NEK9: variants seen among roughly 807,000 people sequenced by gnomAD.
The protein encoded by NEK9 is NIMA related kinase 9.
A neutral mutation model predicts 123.4 loss-of-function variants in NEK9; 75 were observed. The ratio of observed to expected loss-of-function variants is 0.61; its 90% CI spans 0.50 to 0.74. The LOEUF (loss-of-function observed/expected upper bound fraction) is 0.74. NEK9 is among the 30% of genes least tolerant of loss of function. NEK9 has a pLI of 0.00. For synonymous variants in NEK9, 438 were observed against 458.7 expected (o/e 0.95, Z 0.58); for missense variants, 952 against 1,214.4 (o/e 0.78, Z 3.21).
intron 14 of NEK9, among the ~76,000 whole-genome samples, chr14:75,103,480 T>C (rs1372895056): frequency 2.6e-5 from 4 of 152,176 alleles, no homozygotes; most frequent in East Asian, 3.8e-4. Flanking sequence ...CTGCAAAATA[T>C]CACACAGCTT....
chr14:75,105,253 A>T (rs775687574), intron 13 of NEK9, among the ~76,000 whole-genome samples: 8 of 152,148 alleles, frequency 5.3e-5, no homozygotes, highest in Non-Finnish European at 7.3e-5. Context: ...AATGCATAAT[A>T]ATTTAATTTT....
At chr14:75,095,610 A>G (rs1894356706) in intron 17 of NEK9, among the ~76,000 whole-genome samples, 179 bp from the exon 18 acceptor site, 1 of 152,236 alleles carries the variant, frequency 6.6e-6, no homozygotes, top group African/African-American at 2.4e-5. Flanking sequence ...AAGTATATTC[A>G]CTATCTACAT....
chr14:75,121,721 T>C (rs1032218100), intron 2 of NEK9, among the ~76,000 whole-genome samples: 1 of 152,182 alleles, frequency 6.6e-6, no homozygotes, highest in Non-Finnish European at 1.5e-5. Flanking sequence ...TGTTGGGGCA[T>C]GTGCCTGTGG....
At chr14:75,091,247 G>A (rs1025350925) in intron 19 of NEK9, 23 bp downstream of exon 19, 1 of 1,589,720 alleles carries the variant, frequency 6.3e-7, no homozygotes, top group Non-Finnish European at 8.6e-7. Context: ...TTTTATCCAA[G>A]TTACTTCTTC....
intron 2 of NEK9, among the ~76,000 whole-genome samples, chr14:75,122,243 C>T (rs1221532251): frequency 3.3e-5 from 5 of 151,750 alleles, no homozygotes; most frequent in Non-Finnish European, 7.3e-5. Context: ...AAGTTAACTA[C>T]CTAGGGCTTC....
chr14:75,112,816 GTC>G (rs1271508542), intron 8 of NEK9, among the ~76,000 whole-genome samples: 1 of 152,098 alleles, frequency 6.6e-6, no homozygotes, highest in Non-Finnish European at 1.5e-5. Flanking sequence ...GTGAGACTCT[GTC>G]TCAGAAAACA....
In NEK9 at chr14:75,110,339, G is replaced by C. The variant is rs765889310; in HGVS notation, c.971C>G (p.Ala324Gly). The C allele has an allele frequency of 1.2e-6, 2 of 1,612,824 alleles. No individual in the cohort carries two copies. The highest frequency in any genetic ancestry group is 1.1e-5 in the South Asian group (1 of 91,026). Residue 324 changes from alanine to glycine, a missense_variant, in exon 9 of 22, where the codon GCA becomes GGA. By Grantham distance (60) the Ala-to-Gly change is moderately conservative. This residue lies in a region of NEK9 where 698 missense variants were observed against 875.6 expected (regional missense o/e 0.80). Transcript: ENST00000238616. Reference protein sequence around the residue: ...EMEEKVTLLNAPTKRPRSSTV... With the variant: ...EMEEKVTLLNGPTKRPRSSTV... ...ACATTACCTTGGTCTCTTTGTAGGT[G>C]CATTAAGCAGAGTGACTTTTTCCTC...
rs4899544 is a variant in NEK9, at chr14:75,079,853, C to T, written c.*4711G>A. ...TACCACAGGCACTTGGATTTGGGAT[C>T]GCTGGATGTTAGTAAGGTCATAGAT... is the stretch of plus-strand genomic sequence containing the variant. On this transcript the variant is annotated 3_prime_UTR_variant, in exon 22 of 22. Coordinates refer to ENST00000238616, the MANE Select transcript of NEK9 (RefSeq NM_033116.6). 0.44 allele frequency: 67,619 copies of T among 152,034 alleles called. 16,416 individuals carry two copies. Among genetic ancestry groups the T allele is most frequent in the East Asian group, 0.84 (4,320 of 5,172 alleles). The allele number at this position is 152,034 out of a possible 1,614,324, so 9.4% of individuals were successfully genotyped here.
chr14:75,091,460 G>A lies in NEK9; in HGVS notation c.2252C>T (p.Pro751Leu), dbSNP rs112467144. Residue 751 changes from proline to leucine, a missense_variant, in exon 19 of 22, where the codon CCG becomes CTG. Pro to Leu is a moderately conservative substitution (Grantham distance 98). Around this residue, in one of 4 missense-constraint regions of NEK9, gnomAD observed 698 missense variants for 875.6 expected, o/e 0.80. Coordinates refer to ENST00000238616, the MANE Select transcript of NEK9 (RefSeq NM_033116.6). ...SIGTVFQSSS[P>L]GGGGGGGGGE... ...ACCGCCGCCCCCGCCGCCTCCTCCC[G>A]GGCTAGAGCTCTGAAACACTGACAG... The A allele has an allele frequency of 0.014, 23,102 of 1,594,122 alleles. 187 individuals carry two copies. The highest frequency in any genetic ancestry group is 0.019 in the African/African-American group (1,383 of 74,562).
Position 75,088,490 on chromosome 14 carries a change from A to C in NEK9, c.2594T>G (p.Val865Gly), listed in dbSNP as rs750733423. Residue 865 changes from valine (V) to glycine (G), a missense_variant, in exon 20 of 22, where the codon GTA becomes GGA. This residue lies in a region of NEK9 where 698 missense variants were observed against 875.6 expected (regional missense o/e 0.80). Transcript: ENST00000238616. ...AAAAAGCTCAGTTACCGAGGCTTCT[A>C]CTTGGGGTTTGTGTTCCAAAGGAGC... ...SEAPLEHKPQ[V>G]EASSPRLNPA... The C allele has an allele frequency of 6.2e-7, 1 of 1,613,826 alleles. No individual in the cohort carries two copies. The highest frequency in any genetic ancestry group is 8.5e-7 in the Non-Finnish European group (1 of 1,179,882).
At chr14:75,109,558 T>C (rs1894890615) in intron 10 of NEK9, 127 bp downstream of exon 10, 11 of 799,540 alleles carry the variant, frequency 1.4e-5, no homozygotes, top group Non-Finnish European at 2.0e-5. Context: ...TTATAAGAGC[T>C]TCCATTCCAT....
intron 18 of NEK9, among the ~76,000 whole-genome samples, chr14:75,093,737 G>C (rs1198968068): frequency 6.6e-6 from 1 of 152,166 alleles, no homozygotes; most frequent in Non-Finnish European, 1.5e-5. Flanking sequence ...TTACAGGCGT[G>C]AGCCACCACA....
Position 75,107,507 on chromosome 14 carries a change from TATGAC to T in NEK9, c.1183-25_1183-21del. ...CATGTTCTGTGAAATAAAGAGGTCT[TATGAC>T]TTTTTTTTTTAATTACATTTTATTA... On this transcript the variant is annotated intron_variant, in intron 10 of 21. Transcript: ENST00000238616. 1.9e-6 allele frequency: 3 copies of T among 1,559,150 alleles called. No individual in the cohort carries two copies. Among genetic ancestry groups the T allele is most frequent in the Non-Finnish European group, 2.6e-6 (3 of 1,158,854 alleles).
intron 8 of NEK9, among the ~76,000 whole-genome samples, chr14:75,111,888 TAAAGTAAATA>T (rs1467306529): frequency 6.6e-6 from 1 of 151,996 alleles, no homozygotes; most frequent in Non-Finnish European, 1.5e-5. Flanking sequence ...GAGACTCTCA[TAAAGTAAATA>T]AAAGTAAATA....
intron 8 of NEK9, among the ~76,000 whole-genome samples, chr14:75,111,292 T>C (rs749538412): frequency 6.6e-6 from 1 of 152,206 alleles, no homozygotes; most frequent in Non-Finnish European, 1.5e-5. Context: ...AAATCAATTA[T>C]AGCTGAGCTC....
chr14:75,088,537 T>C lies in NEK9; in HGVS notation c.2547A>G (p.Gln849=), dbSNP rs1319605641. 2 of 1,614,132 alleles carry C rather than the reference T, an allele frequency of 1.2e-6. No individual in the cohort carries two copies. Among genetic ancestry groups the C allele is most frequent in the Admixed American group, 3.3e-5 (2 of 60,014 alleles). The change falls in exon 20 of 22, where the codon CAA becomes CAG. Residue 849 remains glutamine, a synonymous_variant. Transcript: ENST00000238616. ...GAGCTTCAGAGGCCACTTTGAGTCC[T>C]TGCAGCTCTTCATAGGGCAGGGTAT... ...EKDTLPYEEL[Q]GLKVASEAPL...
intron 2 of NEK9, among the ~76,000 whole-genome samples, chr14:75,121,602 A>G (rs144833037): frequency 3.2e-4 from 48 of 152,354 alleles, no homozygotes; most frequent in African/African-American, 1.1e-3. Flanking sequence ...TAATCCCAGC[A>G]CTTTGGGAGG....
At chr14:75,110,264 G>A in intron 9 of NEK9, 57 bp downstream of exon 9, 1 of 1,358,224 alleles carries the variant, frequency 7.4e-7, no homozygotes, top group Non-Finnish European at 1.0e-6. Context: ...ACTCAAGAAA[G>A]AACCCCCTGG....
At chr14:75,104,691 C>T (rs1030555203) in intron 13 of NEK9, among the ~76,000 whole-genome samples, 4 of 152,012 alleles carry the variant, frequency 2.6e-5, no homozygotes, top group Non-Finnish European at 4.4e-5. Context: ...CCATGTTGGC[C>T]AGGCTGGTCT....
Sources: gnomAD v4.1 joint callset for allele counts (sites outside exome capture counted in the v4.1 genomes callset) on GRCh38, gnomAD v4.1.1 for gene constraint, gnomAD v4.1.1 regional missense constraint, MANE v1.5 for transcripts, NCBI Gene and HGNC (gene_info 2026-07-23, HGNC 2026-07-21) for gene names.